The following ST8SIA5 variants were observed in gnomAD, a reference collection of about 807,000 sequenced individuals.
The protein encoded by ST8SIA5 is ST8 alpha-N-acetyl-neuraminide alpha-2,8-sialyltransferase 5, also known as alpha-2,8-sialyltransferase 8E.
ST8SIA5 carries 24 observed loss-of-function variants against 40.2 expected under a neutral mutation model. The observed-to-expected ratio is 0.60, with a 90% CI of 0.43 to 0.84. The LOEUF (loss-of-function observed/expected upper bound fraction) is 0.84. Ranked by LOEUF, ST8SIA5 falls within the 40% of genes least tolerant of loss-of-function variation. ST8SIA5 has a pLI of 0.00. For synonymous variants in ST8SIA5, 198 were observed against 201.8 expected (o/e 0.98, Z 0.16); for missense variants, 465 against 498.5 (o/e 0.93, Z 0.64).
At chr18:46,694,415 T>A (rs2039536195) in intron 2 of ST8SIA5, among the ~76,000 whole-genome samples, 1 of 152,210 alleles carries the variant, frequency 6.6e-6, no homozygotes, top group Non-Finnish European at 1.5e-5. Context: ...AAAATTGTAA[T>A]TCTACAGTAA....
intron 2 of ST8SIA5, among the ~76,000 whole-genome samples, chr18:46,692,706 A>G (rs999339313): frequency 6.6e-6 from 1 of 151,754 alleles, no homozygotes; most frequent in African/African-American, 2.4e-5. Context: ...CCCACCTGGT[A>G]TTTTCTTATT....
intron 5 of ST8SIA5, 134 bp from the exon 6 acceptor site, chr18:46,682,198 G>T: frequency 1.6e-6 from 1 of 633,342 alleles, no homozygotes; most frequent in African/African-American, 1.9e-5. Context: ...CAGGTTCTCT[G>T]TAGCCAGGTG....
chr18:46,716,120 A>ATAGATAGG (rs1555696190), intron 1 of ST8SIA5, among the ~76,000 whole-genome samples: 1 of 151,976 alleles, frequency 6.6e-6, no homozygotes, highest in Non-Finnish European at 1.5e-5. Context: ...AGATAGATAG[A>ATAGATAGG]TAGATAGATA....
intron 1 of ST8SIA5, among the ~76,000 whole-genome samples, chr18:46,728,994 T>C (rs980743835): frequency 6.6e-6 from 1 of 152,130 alleles, no homozygotes; most frequent in Middle Eastern, 3.4e-3. Context: ...GGCCCTGCAG[T>C]TTCACTTGCA....
chr18:46,701,251 C>T (rs1019582910), intron 2 of ST8SIA5, among the ~76,000 whole-genome samples: 1 of 149,148 alleles, frequency 6.7e-6, no homozygotes, highest in African/African-American at 2.5e-5. Context: ...AGCAATTCTC[C>T]TGCCTCAGCC....
Position 46,676,300 on chromosome 18 carries a change from A to G in ST8SIA5, c.*3742T>C, listed in dbSNP as rs776570357. ...GTACGTTTGTGGGATTCGTCATTTA[A>G]CGTCTGTATACACACACACCAGACC... On this transcript the variant is annotated 3_prime_UTR_variant, in exon 7 of 7. Coordinates refer to ENST00000315087, the MANE Select transcript of ST8SIA5 (RefSeq NM_013305.6). 6.6e-6 allele frequency: 1 copy of G among 152,120 alleles called. No homozygotes were observed. Among genetic ancestry groups the G allele is most frequent in the Non-Finnish European group, 1.5e-5 (1 of 68,016 alleles). 9.4% of individuals were successfully genotyped at this position (152,120 alleles called of 1,614,324 possible). A position where few individuals can be genotyped will look rare whatever the true frequency, so the allele number is the denominator to read the frequency against.
chr18:46,722,249 C>G (rs2039871281), intron 1 of ST8SIA5, among the ~76,000 whole-genome samples: 1 of 152,212 alleles, frequency 6.6e-6, no homozygotes, highest in Non-Finnish European at 1.5e-5. Flanking sequence ...ACAACCCTCT[C>G]CCCAACGCCC....
At chr18:46,738,645 A>G (rs1013162666) in intron 1 of ST8SIA5, among the ~76,000 whole-genome samples, 1 of 152,156 alleles carries the variant, frequency 6.6e-6, no homozygotes, top group African/African-American at 2.4e-5. Flanking sequence ...GGCTGCAGTC[A>G]GAGCAGCATC....
chr18:46,724,795 G>A lies in ST8SIA5; in HGVS notation c.132-20131C>T, dbSNP rs144737485. Among the ~76,000 whole-genome samples the A allele has an allele frequency of 3.1e-3, 478 of 152,188 alleles. 18 individuals carry two copies. In the East Asian group the frequency reaches 0.077, roughly 25 times the overall value. On this transcript the variant is annotated intron_variant, in intron 1 of 6. Coordinates refer to ENST00000315087, the MANE Select transcript of ST8SIA5 (RefSeq NM_013305.6). ...TCGAGACCAGCCTAGCCAACATGGT[G>A]AAACCCCATGTCTACTAAATATACA...
intron 1 of ST8SIA5, among the ~76,000 whole-genome samples, chr18:46,728,939 G>A (rs2039959093): frequency 6.6e-6 from 1 of 152,022 alleles, no homozygotes; most frequent in South Asian, 2.1e-4. Context: ...GACTGCCCAC[G>A]ACCCAAAGGA....
chr18:46,756,665 C>A lies in ST8SIA5; in HGVS notation c.-157G>T. Reference sequence around the variant, plus strand: ...GGGCAAAGTTTCTGGTTGGCGCGGCCGGAGCTGGGGGCATCCAAGCGTCGC... The same window carrying A: ...GGGCAAAGTTTCTGGTTGGCGCGGCAGGAGCTGGGGGCATCCAAGCGTCGC... On this transcript the variant is annotated 5_prime_UTR_variant, in exon 1 of 7. Transcript: ENST00000315087. 1 of 878,134 alleles carries A rather than the reference C, an allele frequency of 1.1e-6. No homozygotes were observed. Among genetic ancestry groups the A allele is most frequent in the Non-Finnish European group, 1.7e-6 (1 of 596,838 alleles). 54.4% of individuals were successfully genotyped at this position (878,134 alleles called of 1,614,324 possible).
At chr18:46,687,404 T>A (rs540663232) in intron 4 of ST8SIA5, among the ~76,000 whole-genome samples, 9 of 152,210 alleles carry the variant, frequency 5.9e-5, no homozygotes, top group Admixed American at 5.9e-4. Flanking sequence ...CTGGAGAATG[T>A]CTGGTGAGCC....
At chr18:46,730,919 T>C (rs1247601550) in intron 1 of ST8SIA5, among the ~76,000 whole-genome samples, 2 of 152,192 alleles carry the variant, frequency 1.3e-5, no homozygotes, top group African/African-American at 4.8e-5. Context: ...AGTTAAAGGC[T>C]GCACTGAGCT....
At chr18:46,733,136 C>T (rs1435594979) in intron 1 of ST8SIA5, among the ~76,000 whole-genome samples, 1 of 152,162 alleles carries the variant, frequency 6.6e-6, no homozygotes, top group African/African-American at 2.4e-5. Flanking sequence ...TCACACAACC[C>T]TGGGAGGGGG....
intron 1 of ST8SIA5, among the ~76,000 whole-genome samples, chr18:46,715,981 A>G (rs578225224): frequency 6.6e-6 from 1 of 152,246 alleles, no homozygotes; most frequent in South Asian, 2.1e-4. Flanking sequence ...GGACTTGGAA[A>G]GAAAAGACAA....
rs773841215 is a variant in ST8SIA5 at position 46,676,001 on chromosome 18, A to T, written c.*4041T>A. On this transcript the variant is annotated 3_prime_UTR_variant, in exon 7 of 7. Transcript: ENST00000315087. ...GAACCCAGGTGTCGAGGCTGCAGTGAGCCATATTTATATCACCACCCTCTA... is the reference window on the plus strand; with the variant it reads ...GAACCCAGGTGTCGAGGCTGCAGTGTGCCATATTTATATCACCACCCTCTA... The T allele has an allele frequency of 1.3e-5, 2 of 152,144 alleles. No individual in the cohort carries two copies. Among genetic ancestry groups the T allele is most frequent in the African/African-American group, 2.4e-5 (1 of 41,406 alleles). 9.4% of individuals were successfully genotyped at this position (152,144 alleles called of 1,614,324 possible).
intron 1 of ST8SIA5, among the ~76,000 whole-genome samples, chr18:46,737,267 C>G (rs999375753): frequency 6.6e-6 from 1 of 152,172 alleles, no homozygotes; most frequent in Non-Finnish European, 1.5e-5. Context: ...ACTCCCACCC[C>G]GCCCCATTGC....
chr18:46,700,503 C>T (rs867191211), intron 2 of ST8SIA5, among the ~76,000 whole-genome samples: 10 of 152,294 alleles, frequency 6.6e-5, no homozygotes, highest in African/African-American at 1.2e-4. Flanking sequence ...GATCAGAGGC[C>T]GGCCTCTGCA....
chr18:46,705,841 G>C (rs968934375), intron 1 of ST8SIA5, among the ~76,000 whole-genome samples: 4 of 152,228 alleles, frequency 2.6e-5, no homozygotes, highest in Non-Finnish European at 5.9e-5. Context: ...GGTGAGAGGG[G>C]CTCCCCAGGG....
Sources: allele counts gnomAD v4.1 joint callset (sites outside exome capture counted in the v4.1 genomes callset), GRCh38; gene constraint gnomAD v4.1.1; transcripts MANE v1.5; gene names NCBI Gene and HGNC (gene_info 2026-07-23, HGNC 2026-07-21).